Variants in BRD10 observed in about 807,000 individuals in gnomAD.
The protein encoded by BRD10 is bromodomain containing 10, also known as uncharacterized bromodomain-containing protein 10.
chr9:5,976,257 C>G, the BRD10 span, among the ~76,000 whole-genome samples: 1 of 152,088 alleles, frequency 6.6e-6, no homozygotes, highest in Admixed American at 6.5e-5. Context: ...GATTTAATCA[C>G]GTTTATGTTA....
At chr9:5,886,529 C>A in the BRD10 span, among the ~76,000 whole-genome samples, 1 of 152,190 alleles carries the variant, frequency 6.6e-6, no homozygotes, top group Non-Finnish European at 1.5e-5. Flanking sequence ...CTGGGGCTTT[C>A]AGAGGTTTGA....
chr9:5,904,776 CT>C, the BRD10 span, among the ~76,000 whole-genome samples: 306 of 128,850 alleles, frequency 2.4e-3, no homozygotes, highest in East Asian at 0.015. Context: ...AGTTACACTT[CT>C]TTTTTTTTTT....
chr9:6,007,405 G>C, the BRD10 span: 16 of 1,608,820 alleles, frequency 9.9e-6, no homozygotes, highest in African/African-American at 1.6e-4. Flanking sequence ...CTGCGGGAAG[G>C]CGCGACCGCC....
At chr9:5,963,940 A>G in the BRD10 span, among the ~76,000 whole-genome samples, 1 of 151,668 alleles carries the variant, frequency 6.6e-6, no homozygotes, top group African/African-American at 2.4e-5. Context: ...TAGACCTAAA[A>G]CCATAAAAAC....
chr9:5,970,622 ACAT>A, the BRD10 span, among the ~76,000 whole-genome samples: 2 of 152,240 alleles, frequency 1.3e-5, no homozygotes, highest in Non-Finnish European at 2.9e-5. Flanking sequence ...CTTTTAAAAG[ACAT>A]CATCAAGAAA....
chr9:5,956,642 G>C, the BRD10 span, among the ~76,000 whole-genome samples: 1 of 152,236 alleles, frequency 6.6e-6, no homozygotes, highest in East Asian at 1.9e-4. Context: ...TTTAGCTTTA[G>C]CTAAGCTATG....
chr9:5,883,462 CTTTTTTT>C, the BRD10 span, among the ~76,000 whole-genome samples: 12 of 102,378 alleles, frequency 1.2e-4, no homozygotes, highest in Admixed American at 2.5e-4. Flanking sequence ...CCTTCTTCTT[CTTTTTTT>C]TTTTTTTTTT....
the BRD10 span, among the ~76,000 whole-genome samples, chr9:5,927,010 T>TGAG: frequency 6.6e-6 from 1 of 152,158 alleles, no homozygotes; most frequent in African/African-American, 2.4e-5. Flanking sequence ...TGGAAGCACA[T>TGAG]GAGGGCTGTG....
At chr9:5,911,612 G>A in the BRD10 span, among the ~76,000 whole-genome samples, 2 of 149,562 alleles carry the variant, frequency 1.3e-5, no homozygotes, top group African/African-American at 4.9e-5. Flanking sequence ...TCAGCTCACT[G>A]CAACCTCCAC....
the BRD10 span, chr9:5,944,982 C>T: frequency 7.7e-7 from 1 of 1,298,748 alleles, no homozygotes; most frequent in Non-Finnish European, 1.1e-6. Flanking sequence ...CACAAAAACA[C>T]AGCTTGATAA....
chr9:5,922,691 T>C, the BRD10 span: 1 of 1,613,992 alleles, frequency 6.2e-7, no homozygotes, highest in South Asian at 1.1e-5. Flanking sequence ...AATAAGAACT[T>C]GCTGCATGAT....
chr9:5,897,753 A>G, the BRD10 span: 1 of 1,044,822 alleles, frequency 9.6e-7, no homozygotes, highest in African/African-American at 1.6e-5. Context: ...GCCTCATTAT[A>G]ACCTTCAGCT....
the BRD10 span, chr9:6,008,206 T>C: frequency 1.0e-6 from 1 of 972,468 alleles, no homozygotes; most frequent in South Asian, 4.8e-5. Flanking sequence ...GGTTCTCCTC[T>C]CCCCTCCCCG....
the BRD10 span, among the ~76,000 whole-genome samples, chr9:5,916,625 G>A: frequency 6.6e-6 from 1 of 151,698 alleles, no homozygotes; most frequent in Non-Finnish European, 1.5e-5. Context: ...AACTTTTTGT[G>A]AGGGCAGGAA....
the BRD10 span, among the ~76,000 whole-genome samples, chr9:5,994,930 G>A: frequency 1.4e-3 from 197 of 144,754 alleles, 4 homozygotes; most frequent in East Asian, 0.033. Flanking sequence ...ACAGAGTTTC[G>A]CTCTTGTTGC....
the BRD10 span, chr9:5,929,035 T>A: frequency 7.0e-7 from 1 of 1,436,400 alleles, no homozygotes; most frequent in Non-Finnish European, 9.7e-7. Flanking sequence ...ATTATAACAT[T>A]AAAATTACCT....
chr9:5,946,429 C>T, the BRD10 span, among the ~76,000 whole-genome samples: 1 of 151,892 alleles, frequency 6.6e-6, no homozygotes, highest in Non-Finnish European at 1.5e-5. Context: ...GAAAGAAATG[C>T]TGATGGTCAA....
the BRD10 span, among the ~76,000 whole-genome samples, chr9:5,957,971 A>C: frequency 6.6e-6 from 1 of 152,086 alleles, no homozygotes; most frequent in African/African-American, 2.4e-5. Flanking sequence ...CACTGCCCTA[A>C]GTTACTTGGT....
the BRD10 span, chr9:5,910,447 C>T: frequency 2.0e-5 from 3 of 152,178 alleles, no homozygotes; most frequent in African/African-American, 7.2e-5. Flanking sequence ...AGGCTTCCAC[C>T]TCTCCCACTT....
Sources: gnomAD v4.1 joint callset for allele counts (sites outside exome capture counted in the v4.1 genomes callset) on GRCh38, gnomAD v4.1.1 for gene constraint, MANE v1.5 for transcripts, NCBI Gene and HGNC (gene_info 2026-07-23, HGNC 2026-07-21) for gene names.